ACBD6: variants seen among roughly 807,000 people sequenced by gnomAD.
ACBD6 encodes acyl-CoA-binding domain-containing protein 6.
ACBD6 carries 28 observed loss-of-function variants against 37.2 expected under a neutral mutation model. That is an observed-to-expected ratio of 0.75 (90% confidence interval 0.56 to 1.03). The LOEUF (loss-of-function observed/expected upper bound fraction) is 1.03, where lower values mean the gene tolerates loss of function less well. Among genes scored for constraint, ACBD6 ranks in the 50% least tolerant of loss-of-function variants. The pLI is 0.00. For synonymous variants in ACBD6, 113 were observed against 126.8 expected (o/e 0.89, Z 0.73); for missense variants, 340 against 337.4 (o/e 1.01, Z -0.06).
chr1:180,477,535 G>GT (rs1157570978), intron 3 of ACBD6, among the ~76,000 whole-genome samples: 31 of 151,972 alleles, frequency 2.0e-4, no homozygotes, highest in Non-Finnish European at 4.4e-4. Flanking sequence ...TCTGTTCCTA[G>GT]TAACAAAACA....
chr1:180,371,041 GACAA>G (rs1447411089), intron 6 of ACBD6, among the ~76,000 whole-genome samples: 7 of 151,862 alleles, frequency 4.6e-5, no homozygotes, highest in Non-Finnish European at 8.8e-5. Context: ...ACTTTATTTT[GACAA>G]ACTAACTGAA....
intron 3 of ACBD6, among the ~76,000 whole-genome samples, chr1:180,474,496 A>T (rs902509731): frequency 6.6e-6 from 1 of 152,194 alleles, no homozygotes; most frequent in African/African-American, 2.4e-5. Flanking sequence ...ATGTGGAGAA[A>T]ATAATTCAGG....
At chr1:180,455,512 AAGTATAATTTAAAAAAAAAGAAACT>A (rs1649880951) in intron 3 of ACBD6, among the ~76,000 whole-genome samples, 1 of 152,164 alleles carries the variant, frequency 6.6e-6, no homozygotes, top group African/African-American at 2.4e-5. Context: ...CCAGAACTTA[AAGTATAATTTAAAAAAAAAGAAACT>A]AGGAAACTTA....
intron 3 of ACBD6, among the ~76,000 whole-genome samples, chr1:180,431,157 G>GT (rs145543153): frequency 0.098 from 14,444 of 147,720 alleles, 996 homozygotes; most frequent in East Asian, 0.37. Context: ...TACGAGTTTT[G>GT]TTTTGTTTTT....
At chr1:180,419,263 T>C (rs1013147935) in intron 4 of ACBD6, among the ~76,000 whole-genome samples, 1 of 152,116 alleles carries the variant, frequency 6.6e-6, no homozygotes, top group Non-Finnish European at 1.5e-5. Context: ...AAAAAAAATA[T>C]ATTGTTCTTG....
At chr1:180,436,039 A>G (rs1649022156) in intron 3 of ACBD6, 1 of 663,728 alleles carries the variant, frequency 1.5e-6, no homozygotes. Flanking sequence ...CTGGAATGCA[A>G]GTATTGCTAA....
intron 4 of ACBD6, among the ~76,000 whole-genome samples, chr1:180,427,930 A>AC (rs1047593101): frequency 4.0e-5 from 6 of 151,660 alleles, no homozygotes; most frequent in African/African-American, 1.5e-4. Flanking sequence ...AAAAAAAAAA[A>AC]AAAACCAAAA....
chr1:180,281,152 C>A (rs1218454518), intron 9 of ACBD6, among the ~76,000 whole-genome samples: 2 of 152,100 alleles, frequency 1.3e-5, no homozygotes, highest in East Asian at 3.9e-4. Flanking sequence ...AAGATCTGGT[C>A]CCCGCAACAA....
At chr1:180,302,248 A>G (rs1320303972) in intron 7 of ACBD6, among the ~76,000 whole-genome samples, 1 of 152,082 alleles carries the variant, frequency 6.6e-6, no homozygotes, top group Admixed American at 6.6e-5. Context: ...GTATCTACAT[A>G]TATTTTATGC....
intron 6 of ACBD6, among the ~76,000 whole-genome samples, chr1:180,390,353 T>C (rs1019919711): frequency 3.4e-5 from 5 of 147,862 alleles, no homozygotes; most frequent in African/African-American, 1.2e-4. Context: ...TTCTGTTCCA[T>C]TGATCTATAT....
intron 6 of ACBD6, among the ~76,000 whole-genome samples, chr1:180,323,030 T>C (rs1189936435): frequency 6.6e-6 from 1 of 151,980 alleles, no homozygotes; most frequent in Non-Finnish European, 1.5e-5. Flanking sequence ...GCTTTCACTG[T>C]ATCTTACAGG....
At chr1:180,453,218 A>C (rs1388981762) in intron 3 of ACBD6, among the ~76,000 whole-genome samples, 1 of 152,206 alleles carries the variant, frequency 6.6e-6, no homozygotes, top group Non-Finnish European at 1.5e-5. Context: ...CTTATCCACC[A>C]CGATCAAGTT....
intron 3 of ACBD6, among the ~76,000 whole-genome samples, chr1:180,441,310 A>G (rs1341255960): frequency 1.3e-5 from 2 of 152,150 alleles, no homozygotes; most frequent in African/African-American, 2.4e-5. Flanking sequence ...ATTCTTTTCC[A>G]TATGTCTATC....
intron 3 of ACBD6, among the ~76,000 whole-genome samples, chr1:180,476,110 C>T (rs753746529): frequency 3.3e-5 from 5 of 152,194 alleles, no homozygotes; most frequent in Non-Finnish European, 7.3e-5. Context: ...GGTTCCAATG[C>T]AACCCAATCC....
chr1:180,388,363 C>G (rs1004894134), intron 6 of ACBD6, among the ~76,000 whole-genome samples: 3 of 152,078 alleles, frequency 2.0e-5, no homozygotes, highest in Admixed American at 6.6e-5. Flanking sequence ...TAAGTCTTAT[C>G]AGGAACTGAA....
chr1:180,387,683 A>T (rs1403529059), intron 6 of ACBD6, among the ~76,000 whole-genome samples: 4 of 152,144 alleles, frequency 2.6e-5, no homozygotes, highest in South Asian at 2.1e-4. Context: ...TCAGCCTCCA[A>T]GCAAGGGGGT....
intron 3 of ACBD6, 56 bp downstream of exon 3, chr1:180,492,213 T>C (rs989539425): frequency 9.6e-5 from 124 of 1,297,030 alleles, no homozygotes; most frequent in Admixed American, 6.8e-5. Flanking sequence ...AGACATTTAT[T>C]TCAGAGAAGG....
intron 5 of ACBD6, among the ~76,000 whole-genome samples, chr1:180,399,845 T>C (rs1647272268): frequency 1.3e-5 from 2 of 152,178 alleles, no homozygotes; most frequent in Admixed American, 6.5e-5. Context: ...CTATCATTTT[T>C]AGTTCTAATT....
At chr1:180,445,165 TGTAA>T (rs749791362) in intron 3 of ACBD6, among the ~76,000 whole-genome samples, 2 of 152,232 alleles carry the variant, frequency 1.3e-5, no homozygotes, top group Non-Finnish European at 2.9e-5. Flanking sequence ...GTGGCCATTT[TGTAA>T]GTGTTAGCTA....
Sources: allele counts gnomAD v4.1 joint callset (sites outside exome capture counted in the v4.1 genomes callset), GRCh38; gene constraint gnomAD v4.1.1; transcripts MANE v1.5; gene names NCBI Gene and HGNC (gene_info 2026-07-23, HGNC 2026-07-21).